SLIT3: variants seen among roughly 807,000 people sequenced by gnomAD.
The protein encoded by SLIT3 is slit homolog 3 protein.
In SLIT3, 68 loss-of-function variants were observed where a neutral mutation model predicts 184.0. That is an observed-to-expected ratio of 0.37 (90% CI 0.30 to 0.45). The LOEUF (loss-of-function observed/expected upper bound fraction) is 0.45, where lower values mean the gene tolerates loss of function less well. SLIT3 is among the 20% of genes least tolerant of loss of function. The pLI is 1.00. For missense variants in SLIT3, 1,707 were observed against 2,026.0 expected, an observed-to-expected ratio of 0.84 and a Z score of 3.02; for synonymous variants, 831 against 828.6, an observed-to-expected ratio of 1.00 and a Z score of -0.05.
intron 4 of SLIT3, among the ~76,000 whole-genome samples, chr5:169,124,144 G>A (rs376501417): frequency 6.6e-6 from 1 of 152,116 alleles, no homozygotes; most frequent in Non-Finnish European, 1.5e-5. Flanking sequence ...TTCAGTTAAT[G>A]TAAAAAAGAT....
chr5:168,915,905 T>C (rs1761418628), intron 4 of SLIT3, among the ~76,000 whole-genome samples: 1 of 152,242 alleles, frequency 6.6e-6, no homozygotes, highest in Non-Finnish European at 1.5e-5. Context: ...ATATGGACTG[T>C]ATATGGGATG....
intron 5 of SLIT3, among the ~76,000 whole-genome samples, chr5:168,845,545 T>G (rs998561425): frequency 1.3e-5 from 2 of 152,200 alleles, no homozygotes; most frequent in Non-Finnish European, 2.9e-5. Context: ...TAATGTCTCT[T>G]AAAAAGATGC....
chr5:169,010,473 AT>A (rs1197163260), intron 4 of SLIT3, among the ~76,000 whole-genome samples: 1 of 152,156 alleles, frequency 6.6e-6, no homozygotes, highest in Non-Finnish European at 1.5e-5. Context: ...GGTGTCCTGT[AT>A]TTTTATTTGC....
At chr5:168,707,724 G>A in intron 26 of SLIT3, 1 of 433,568 alleles carries the variant, frequency 2.3e-6, no homozygotes, top group Non-Finnish European at 4.1e-6. Flanking sequence ...AAATACAAAT[G>A]TTACATTTCC....
chr5:168,685,016 C>A (rs1309792021), intron 31 of SLIT3, among the ~76,000 whole-genome samples: 1 of 152,104 alleles, frequency 6.6e-6, no homozygotes, highest in Non-Finnish European at 1.5e-5. Flanking sequence ...AGTGGCATGA[C>A]CTCGGCTTAC....
At chr5:169,119,924 C>A (rs1295731657) in intron 4 of SLIT3, 1 of 152,164 alleles carries the variant, frequency 6.6e-6, no homozygotes, top group Admixed American at 6.5e-5. Context: ...TGTCACATGA[C>A]TTAAAGAATA....
At chr5:169,033,353 G>T (rs1182832031) in intron 4 of SLIT3, among the ~76,000 whole-genome samples, 1 of 152,082 alleles carries the variant, frequency 6.6e-6, no homozygotes, top group Admixed American at 6.5e-5. Flanking sequence ...TCTGTCACCG[G>T]ACACTTAGGT....
At chr5:169,121,478 G>A (rs1040500996) in intron 4 of SLIT3, among the ~76,000 whole-genome samples, 4 of 152,118 alleles carry the variant, frequency 2.6e-5, no homozygotes, top group African/African-American at 9.7e-5. Context: ...AGTATTTACT[G>A]ACACTGAGGC....
chr5:168,794,002 T>C (rs1381633994), intron 10 of SLIT3, among the ~76,000 whole-genome samples: 1 of 152,240 alleles, frequency 6.6e-6, no homozygotes, highest in Non-Finnish European at 1.5e-5. Flanking sequence ...AAAGCTTGTT[T>C]GGTTTGGATT....
At chr5:169,121,917 C>CCAA (rs1760889401) in intron 4 of SLIT3, among the ~76,000 whole-genome samples, 1 of 152,188 alleles carries the variant, frequency 6.6e-6, no homozygotes, top group African/African-American at 2.4e-5. Flanking sequence ...AAGTCACCGC[C>CCAA]CAACACTCCA....
chr5:169,195,227 T>G (rs930288557), intron 3 of SLIT3, among the ~76,000 whole-genome samples: 1 of 152,176 alleles, frequency 6.6e-6, no homozygotes, highest in African/African-American at 2.4e-5. Flanking sequence ...ATTTCCTATT[T>G]GGGATTTTGC....
intron 4 of SLIT3, among the ~76,000 whole-genome samples, chr5:169,140,397 T>C (rs969230851): frequency 1.1e-4 from 16 of 143,260 alleles, no homozygotes; most frequent in African/African-American, 4.0e-4. Context: ...GCAGAATTGC[T>C]TGTACCTGGG....
At chr5:168,851,828 C>T (rs964465894) in intron 5 of SLIT3, among the ~76,000 whole-genome samples, 6 of 152,188 alleles carry the variant, frequency 3.9e-5, no homozygotes, top group African/African-American at 1.4e-4. Flanking sequence ...TTCCCTCAAC[C>T]ATATCCCTAA....
intron 1 of SLIT3, among the ~76,000 whole-genome samples, chr5:169,258,221 T>C (rs559008945): frequency 1.3e-5 from 2 of 152,356 alleles, no homozygotes; most frequent in South Asian, 2.1e-4. Flanking sequence ...GTTTCACTTA[T>C]CACATCCTAC....
At chr5:168,930,825 CAG>C (rs1761966359) in intron 4 of SLIT3, among the ~76,000 whole-genome samples, 1 of 152,012 alleles carries the variant, frequency 6.6e-6, no homozygotes, top group Non-Finnish European at 1.5e-5. Flanking sequence ...CTGATCCACC[CAG>C]GACACTGAGT....
At chr5:168,839,063 G>A (rs1403355305) in intron 6 of SLIT3, among the ~76,000 whole-genome samples, 2 of 152,068 alleles carry the variant, frequency 1.3e-5, no homozygotes, top group Non-Finnish European at 2.9e-5. Context: ...AACATCAAAG[G>A]CAATTTGGAG....
chr5:169,109,537 G>A lies in SLIT3; in HGVS notation c.413+83942C>T, dbSNP rs181113532. On this transcript the variant is annotated intron_variant, in intron 4 of 35. Coordinates refer to ENST00000519560, the MANE Select transcript of SLIT3 (RefSeq NM_003062.4). ...CATAGAAATGTGAGATAGTAAATGT[G>A]TGTTGTTTTAAGCTTCTAAGCTGGT... 2.0e-5 allele frequency among the ~76,000 whole-genome samples: 3 copies of A among 152,332 alleles called. No individual in the cohort carries two copies. In the East Asian group the frequency reaches 5.8e-4, roughly 29 times the overall value.
intron 4 of SLIT3, among the ~76,000 whole-genome samples, chr5:168,949,669 G>A (rs1762589990): frequency 6.6e-6 from 1 of 152,020 alleles, no homozygotes. Context: ...GCGAGATTAC[G>A]GCTCACTGCA....
intron 4 of SLIT3, among the ~76,000 whole-genome samples, chr5:169,183,907 C>T (rs548389135): frequency 6.6e-6 from 1 of 152,278 alleles, no homozygotes; most frequent in East Asian, 1.9e-4. Context: ...AAAGTCACAG[C>T]TTGGTTTTCT....
Sources: gnomAD v4.1 joint callset for allele counts (sites outside exome capture counted in the v4.1 genomes callset) on GRCh38, gnomAD v4.1.1 for gene constraint, MANE v1.5 for transcripts, NCBI Gene and HGNC (gene_info 2026-07-23, HGNC 2026-07-21) for gene names.